ADARB2: variants seen among roughly 807,000 people sequenced by gnomAD.
ADARB2 encodes adenosine deaminase RNA specific B2 (inactive).
Under a neutral mutation model 62.2 loss-of-function variants are expected in ADARB2, and 25 were observed. The ratio of observed to expected loss-of-function variants is 0.40; its 90% CI spans 0.29 to 0.56. The LOEUF is 0.56. Among genes scored for constraint, ADARB2 ranks in the 20% least tolerant of loss-of-function variants. ADARB2 has a pLI of 0.43. For missense variants in ADARB2, 1,071 were observed against 1,077.4 expected, an observed-to-expected ratio of 0.99 and a Z score of 0.08; for synonymous variants, 572 against 500.8, an observed-to-expected ratio of 1.14 and a Z score of -1.90.
chr10:1,568,732 G>A (rs915956891), intron 1 of ADARB2, among the ~76,000 whole-genome samples: 4 of 152,088 alleles, frequency 2.6e-5, no homozygotes, highest in African/African-American at 7.2e-5. Context: ...TACTGACACT[G>A]GGCCCAACTC....
At chr10:1,393,437 T>G (rs1832586995) in intron 1 of ADARB2, among the ~76,000 whole-genome samples, 1 of 152,246 alleles carries the variant, frequency 6.6e-6, no homozygotes, top group African/African-American at 2.4e-5. Context: ...TGTTGTGCTA[T>G]CAAAAACTAG....
chr10:1,520,076 T>G (rs1363133758), intron 1 of ADARB2, among the ~76,000 whole-genome samples: 5 of 152,208 alleles, frequency 3.3e-5, no homozygotes, highest in African/African-American at 1.2e-4. Context: ...TTTGCTAGTG[T>G]TTTCCATAAA....
chr10:1,200,332 C>T, intron 7 of ADARB2, 185 bp from the exon 8 acceptor site: 1 of 753,154 alleles, frequency 1.3e-6, no homozygotes, highest in Non-Finnish European at 2.3e-6. Context: ...ACACTGTTGC[C>T]TGGGACTGGG....
At chr10:1,383,641 A>G (rs1272103741) in intron 1 of ADARB2, among the ~76,000 whole-genome samples, 1 of 152,234 alleles carries the variant, frequency 6.6e-6, no homozygotes, top group African/African-American at 2.4e-5. Context: ...GCACATACTG[A>G]GGATACCTGG....
chr10:1,710,698 G>T (rs920666643), intron 1 of ADARB2, among the ~76,000 whole-genome samples: 1 of 152,210 alleles, frequency 6.6e-6, no homozygotes, highest in Non-Finnish European at 1.5e-5. Flanking sequence ...GAGGAATGCC[G>T]TTGGGCACCT....
chr10:1,257,580 G>A (rs190291571), intron 4 of ADARB2, among the ~76,000 whole-genome samples: 1 of 152,346 alleles, frequency 6.6e-6, no homozygotes, highest in Admixed American at 6.5e-5. Context: ...AGAGCGCTGT[G>A]CATGAGGACT....
chr10:1,334,623 A>G (rs1226661823), intron 3 of ADARB2, among the ~76,000 whole-genome samples: 1 of 152,246 alleles, frequency 6.6e-6, no homozygotes, highest in Admixed American at 6.5e-5. Flanking sequence ...ATGAATCTTT[A>G]AGATTGCAAG....
intron 1 of ADARB2, among the ~76,000 whole-genome samples, chr10:1,692,566 C>T (rs1834687373): frequency 6.6e-6 from 1 of 152,176 alleles, no homozygotes; most frequent in East Asian, 1.9e-4. Context: ...AGTGTTTCCT[C>T]ATTCAGTAGT....
intron 4 of ADARB2, among the ~76,000 whole-genome samples, chr10:1,252,007 C>G (rs1053766690): frequency 6.6e-6 from 1 of 152,182 alleles, no homozygotes; most frequent in Non-Finnish European, 1.5e-5. Context: ...ATGGCTCAGT[C>G]TGAGGTACTT....
At chr10:1,368,402 G>A (rs1168593025) in intron 2 of ADARB2, among the ~76,000 whole-genome samples, 2 of 152,062 alleles carry the variant, frequency 1.3e-5, no homozygotes, top group Non-Finnish European at 2.9e-5. Context: ...CCTCTCAGCC[G>A]CATCTCGCCC....
rs1220591135 is a variant in ADARB2 at position 1,585,828 on chromosome 10, A to T, written c.100+151223T>A. Among the ~76,000 whole-genome samples, 3 of 152,226 alleles carry T rather than the reference A, an allele frequency of 2.0e-5. No homozygotes were observed. In the East Asian group the frequency reaches 5.8e-4, roughly 29 times the overall value. ...GGTGGGCAGATCACGAGGTCAGGAG[A>T]TCGAGACCATCCTGGCTAACACGGT... On this transcript the variant is annotated intron_variant, in intron 1 of 9. Transcript: ENST00000381312.
At chr10:1,334,764 C>A (rs1470671112) in intron 3 of ADARB2, among the ~76,000 whole-genome samples, 1 of 152,084 alleles carries the variant, frequency 6.6e-6, no homozygotes, top group Non-Finnish European at 1.5e-5. Context: ...GGGTGTGTAA[C>A]GTCTTTGTGA....
At chr10:1,232,885 ATG>A (rs1181913975) in intron 6 of ADARB2, among the ~76,000 whole-genome samples, 2 of 142,080 alleles carry the variant, frequency 1.4e-5, no homozygotes, top group Admixed American at 7.0e-5. Flanking sequence ...TGTGTGTTGT[ATG>A]TGTGTGGTGT....
At chr10:1,381,136 A>G (rs899814606) in intron 1 of ADARB2, among the ~76,000 whole-genome samples, 2 of 150,820 alleles carry the variant, frequency 1.3e-5, no homozygotes, top group African/African-American at 2.4e-5. Flanking sequence ...GTCATTTCTA[A>G]TATTGTGTGG....
chr10:1,331,773 A>G lies in ADARB2; in HGVS notation c.1077+31255T>C, dbSNP rs1318391863. On this transcript the variant is annotated intron_variant, in intron 3 of 9. Transcript: ENST00000381312. ...GTTGTTATAAAAATGCTGAGATCAA[A>G]GTATCAGTAAAAGTTCTAGATTTTT... Among the ~76,000 whole-genome samples the G allele has an allele frequency of 2.6e-5, 4 of 152,238 alleles. No homozygotes were observed. The East Asian group carries it at 7.7e-4, about 29-fold the overall frequency.
intron 4 of ADARB2, among the ~76,000 whole-genome samples, chr10:1,263,236 C>G (rs1419380351): frequency 6.6e-6 from 1 of 152,036 alleles, no homozygotes; most frequent in South Asian, 2.1e-4. Context: ...ACATATGTAA[C>G]AAACCTGCAC....
chr10:1,220,072 A>T (rs1194099171), intron 6 of ADARB2, among the ~76,000 whole-genome samples: 1 of 129,680 alleles, frequency 7.7e-6, no homozygotes, highest in Non-Finnish European at 1.6e-5. Flanking sequence ...GATGATGGTG[A>T]TGGTGATGAT....
chr10:1,556,527 C>T, intron 1 of ADARB2: 1 of 379,418 alleles, frequency 2.6e-6, no homozygotes, highest in Non-Finnish European at 5.5e-6. Context: ...GCATTCGAAT[C>T]ACCTGGGATC....
intron 1 of ADARB2, among the ~76,000 whole-genome samples, chr10:1,651,115 A>T (rs1834104427): frequency 6.6e-6 from 1 of 152,232 alleles, no homozygotes; most frequent in Admixed American, 6.5e-5. Context: ...TGGGAGTGCC[A>T]GTCACTGGCC....
Sources: allele counts gnomAD v4.1 joint callset (sites outside exome capture counted in the v4.1 genomes callset), GRCh38; gene constraint gnomAD v4.1.1; transcripts MANE v1.5; gene names NCBI Gene and HGNC (gene_info 2026-07-23, HGNC 2026-07-21).